The following CFAP410 variants were observed in gnomAD, a reference collection of about 807,000 sequenced individuals.
The protein encoded by CFAP410 is cilia- and flagella-associated protein 410.
CFAP410 carries 27 observed loss-of-function variants against 25.7 expected under a neutral mutation model. That is an observed-to-expected ratio of 1.05 (90% CI 0.77 to 1.45). The LOEUF (loss-of-function observed/expected upper bound fraction) is 1.45. Among genes scored for constraint, CFAP410 ranks in the 40% most tolerant of loss-of-function variants. The pLI is 0.00. For synonymous variants in CFAP410, 178 were observed against 158.4 expected (o/e 1.12, Z -0.93); for missense variants, 428 against 354.1 (o/e 1.21, Z -1.67).
Position 44,331,998 on chromosome 21 carries a change from C to A in CFAP410, c.390G>T (p.Glu130Asp). ...KLDNQAVTEE[E>D]LSRALSEGEE... The stretch of plus-strand genomic sequence containing the variant: ...CTCCCTCACTCAGTGCACGGGACAG[C>A]TCCTCCTCCGTCACAGCTTTGGGAT... The change falls in exon 5 of 7, where the codon GAG becomes GAT. Residue 130 changes from glutamate (E) to aspartate (D), a missense_variant. Physicochemically the swap from Glu to Asp is conservative, Grantham distance 45. Transcript: ENST00000339818. 1 of 1,603,784 alleles carries A rather than the reference C, an allele frequency of 6.2e-7. No individual in the cohort carries two copies. Among genetic ancestry groups the A allele is most frequent in the Non-Finnish European group, 8.5e-7 (1 of 1,174,848 alleles).
chr21:44,337,718 A>C, intron 1 of CFAP410, 51 bp from the exon 2 acceptor site: 1 of 1,528,958 alleles, frequency 6.5e-7, no homozygotes. Context: ...TGAATAAAAA[A>C]CACTGAAGAC....
rs1047453932 is a variant in CFAP410, at chr21:44,329,701, A to G, written c.*497T>C. On this transcript the variant is annotated 3_prime_UTR_variant, in exon 7 of 7. Coordinates refer to ENST00000339818, the MANE Select transcript of CFAP410 (RefSeq NM_004928.3). Reference sequence around the variant, plus strand: ...GGAGGCTGCTGCCTGCCTGCTGAGCAGCTCAGGGCAGATGTCGCTATGGGT... The same window carrying G: ...GGAGGCTGCTGCCTGCCTGCTGAGCGGCTCAGGGCAGATGTCGCTATGGGT... 6.5e-6 allele frequency: 1 copy of G among 153,748 alleles called. No homozygotes were observed. Among genetic ancestry groups the G allele is most frequent in the Non-Finnish European group, 1.4e-5 (1 of 69,070 alleles). 9.5% of individuals were successfully genotyped at this position (153,748 alleles called of 1,614,324 possible).
At position 44,329,991 on chromosome 21, in the gene CFAP410, G is replaced by C. The variant is rs1023167787; in HGVS notation, c.*207C>G. 1.7e-6 allele frequency: 1 copy of C among 580,518 alleles called. No homozygotes were observed. The highest frequency in any genetic ancestry group is 1.9e-5 in the African/African-American group (1 of 52,712). The allele number at this position is 580,518 out of a possible 1,614,324, so 36.0% of individuals were successfully genotyped here. A position where few individuals can be genotyped will look rare whatever the true frequency, so the allele number is the denominator to read the frequency against. ...CTCCAGACCACAGAAGGGGAGTCCT[G>C]GGGACAGGACTGGTGTAGACAGGCA... On this transcript the variant is annotated 3_prime_UTR_variant, in exon 7 of 7. Coordinates refer to ENST00000339818, the MANE Select transcript of CFAP410 (RefSeq NM_004928.3).
chr21:44,335,562 G>A lies in CFAP410; in HGVS notation c.143+196C>T, dbSNP rs559007032. 448 of 602,964 alleles carry A rather than the reference G, an allele frequency of 7.4e-4. 1 individual carries two copies. The highest frequency in any genetic ancestry group is 6.9e-3 in the African/African-American group (372 of 53,884). 37.4% of individuals were successfully genotyped at this position (602,964 alleles called of 1,614,324 possible). A position where few individuals can be genotyped will look rare whatever the true frequency, so the allele number is the denominator to read the frequency against. On this transcript the variant is annotated intron_variant, in intron 3 of 6. Coordinates refer to ENST00000339818, the MANE Select transcript of CFAP410 (RefSeq NM_004928.3). ...TCAGGAGGCCCAGGTGAGGCTCTGA[G>A]GAAGGAGGGCTGAACATGGGGGCCA...
In CFAP410 at chr21:44,329,096, T is replaced by C. The variant is rs1329289113; in HGVS notation, c.*1102A>G. On this transcript the variant is annotated 3_prime_UTR_variant, in exon 7 of 7. Coordinates refer to ENST00000339818, the MANE Select transcript of CFAP410 (RefSeq NM_004928.3). ...CCCCTTCTGGAGAGCTTGCATCCCTTCTGGAGAGCTTGCACGGATGAGTGA... is the reference window on the plus strand; with the variant it reads ...CCCCTTCTGGAGAGCTTGCATCCCTCCTGGAGAGCTTGCACGGATGAGTGA... 6.6e-6 allele frequency: 1 copy of C among 152,382 alleles called. No homozygotes were observed. The highest frequency in any genetic ancestry group is 1.5e-5 in the Non-Finnish European group (1 of 68,152). 9.4% of individuals were successfully genotyped at this position (152,382 alleles called of 1,614,324 possible).
At chr21:44,333,312 G>A (rs575547314) in intron 3 of CFAP410, 50 bp from the exon 4 acceptor site, 1 of 1,460,756 alleles carries the variant, frequency 6.8e-7, no homozygotes, top group East Asian at 2.4e-5. Context: ...GGGCCCCCAG[G>A]GCCACCTCTC....
chr21:44,331,030 C>A (rs1158711785), intron 5 of CFAP410, 111 bp from the exon 6 acceptor site: 2 of 993,154 alleles, frequency 2.0e-6, no homozygotes, highest in Non-Finnish European at 2.9e-6. Flanking sequence ...TCATACAAAT[C>A]CCACCTGGCA....
chr21:44,332,217 A>G, intron 4 of CFAP410: 2 of 518,706 alleles, frequency 3.9e-6, no homozygotes, highest in East Asian at 6.9e-5. Context: ...CTGACACACA[A>G]CAGATGGTGG....
rs1478135992 is a variant in CFAP410, at chr21:44,334,861, CA to C, written c.143+896del. ...GCAGCAGGCTGGGCACGGGCATCAA[CA>C]TGGCAATGCCAACCTCAGAGGGCAT... On this transcript the variant is annotated intron_variant, in intron 3 of 6. Coordinates refer to ENST00000339818, the MANE Select transcript of CFAP410 (RefSeq NM_004928.3). 21 of 162,148 alleles carry C rather than the reference CA, an allele frequency of 1.3e-4. 1 individual carries two copies. Among genetic ancestry groups the C allele is most frequent in the South Asian group, 3.3e-4 (2 of 5,984 alleles). The allele number at this position is 162,148 out of a possible 1,614,324, so 10.0% of individuals were successfully genotyped here. A position where few individuals can be genotyped will look rare whatever the true frequency, so the allele number is the denominator to read the frequency against.
intron 3 of CFAP410, chr21:44,334,762 G>C (rs1457754758): frequency 1.0e-5 from 2 of 197,546 alleles, no homozygotes; most frequent in Non-Finnish European, 2.1e-5. Flanking sequence ...ATTCAGCAAG[G>C]CTCGGGCAGG....
At position 44,329,400 on chromosome 21, in the gene CFAP410, C is replaced by T. The variant is rs1438023882; in HGVS notation, c.*798G>A. On this transcript the variant is annotated 3_prime_UTR_variant, in exon 7 of 7. Coordinates refer to ENST00000339818, the MANE Select transcript of CFAP410 (RefSeq NM_004928.3). ...AATGCTTCCTTGGTTTTGGGGGGCA[C>T]TAGGAAGGTCCCCAGGGCCACGGGT... The T allele has an allele frequency of 2.6e-5, 4 of 152,184 alleles. No individual in the cohort carries two copies. Among genetic ancestry groups the T allele is most frequent in the Admixed American group, 2.6e-4 (4 of 15,282 alleles). The allele number at this position is 152,184 out of a possible 1,614,324, so 9.4% of individuals were successfully genotyped here.
chr21:44,331,602 A>AC, intron 5 of CFAP410: 1 of 516,618 alleles, frequency 1.9e-6, no homozygotes. Context: ...GGCCTGGCTC[A>AC]CCCCCTCTCC....
intron 5 of CFAP410, 26 bp from the exon 6 acceptor site, chr21:44,330,945 G>A (rs748438502): frequency 1.4e-5 from 21 of 1,547,230 alleles, no homozygotes; most frequent in Admixed American, 1.1e-4. Flanking sequence ...AGGCGTGTGA[G>A]GGTCAGGGGG....
At position 44,329,952 on chromosome 21, in the gene CFAP410, G is replaced by T; in HGVS notation, c.*246C>A. ...GCAAAATCCTCCCTTTAAGAGCCCA[G>T]GCCAGCCTAGAACCTCCAGACCACA... is the stretch of plus-strand genomic sequence containing the variant. On this transcript the variant is annotated 3_prime_UTR_variant, in exon 7 of 7. Transcript: ENST00000339818. The T allele has an allele frequency of 2.0e-6, 1 of 499,508 alleles. No individual in the cohort carries two copies. Among genetic ancestry groups the T allele is most frequent in the Admixed American group, 3.8e-5 (1 of 26,436 alleles). 30.9% of individuals were successfully genotyped at this position (499,508 alleles called of 1,614,324 possible). A position where few individuals can be genotyped will look rare whatever the true frequency, so the allele number is the denominator to read the frequency against.
rs1360945558 is a variant in CFAP410, at chr21:44,337,645, T to G, written c.96+4A>C. On this transcript the variant is annotated splice_donor_region_variant and intron_variant, in intron 2 of 6. Coordinates refer to ENST00000339818, the MANE Select transcript of CFAP410 (RefSeq NM_004928.3). ...AATACTTACATCTGTGAGGCAATAC[T>G]TACATCTGTGAGGCGGCTGCCCCTG... 14 of 1,612,586 alleles carry G rather than the reference T, an allele frequency of 8.7e-6. No individual in the cohort carries two copies. Among genetic ancestry groups the G allele is most frequent in the Non-Finnish European group, 1.2e-5 (14 of 1,178,906 alleles).
intron 3 of CFAP410, chr21:44,334,515 GCA>G (rs1265135253): frequency 6.3e-4 from 36 of 57,214 alleles, no homozygotes; most frequent in South Asian, 8.7e-4. Flanking sequence ...GCGGGCACGC[GCA>G]CCCCCCCCCC....
At position 44,333,182 on chromosome 21, in the gene CFAP410, G is replaced by C. The variant is rs778987436; in HGVS notation, c.224C>G (p.Pro75Arg). 3 of 1,612,908 alleles carry C rather than the reference G, an allele frequency of 1.9e-6. No individual in the cohort carries two copies. Among genetic ancestry groups the C allele is most frequent in the Non-Finnish European group, 2.5e-6 (3 of 1,179,954 alleles). The change falls in exon 4 of 7, where the codon CCC becomes CGC. Residue 75 changes from proline to arginine, a missense_variant. Pro to Arg is a moderately radical substitution (Grantham distance 103, BLOSUM62 -2). Transcript: ENST00000339818. ...SELYLRRNRI[P>R]SLAELFYLKG... ...CAGGTAGAAGAGCTCAGCCAGGCTG[G>C]GGATGCGGTTCCTCCGCAGGTACAG...
At chr21:44,335,595 G>A (rs1454671452) in intron 3 of CFAP410, 163 bp downstream of exon 3, 2 of 631,586 alleles carry the variant, frequency 3.2e-6, no homozygotes, top group East Asian at 2.7e-5. Context: ...CCACAGGGTA[G>A]GCCCAGCTCT....
intron 3 of CFAP410, chr21:44,333,536 A>G (rs1350029619): frequency 1.1e-5 from 6 of 549,442 alleles, no homozygotes; most frequent in African/African-American, 5.6e-5. Flanking sequence ...TCAGGGCGCT[A>G]GAGTGCGGGA....
Sources: allele counts gnomAD v4.1 joint callset, GRCh38; gene constraint gnomAD v4.1.1; transcripts MANE v1.5; gene names NCBI Gene and HGNC (gene_info 2026-07-23, HGNC 2026-07-21).